The following TARS3 variants were observed in gnomAD, a reference collection of about 807,000 sequenced individuals.
The protein encoded by TARS3 is threonine--tRNA ligase 2, cytoplasmic.
Under a neutral mutation model 103.5 loss-of-function variants are expected in TARS3, and 94 were observed. That is an observed-to-expected ratio of 0.91 (90% CI 0.77 to 1.08). The LOEUF is 1.08. TARS3 is among the 50% of genes least tolerant of loss of function. The pLI, the probability that TARS3 is intolerant of heterozygous loss-of-function variation, is 0.00. For missense variants in TARS3, 952 were observed against 995.2 expected (o/e 0.96, Z 0.58); for synonymous variants, 416 against 355.4 (o/e 1.17, Z -1.92).
intron 18 of TARS3, chr15:101,655,759 A>AAAT (rs1897178566): frequency 8.9e-7 from 1 of 1,125,600 alleles, no homozygotes; most frequent in African/African-American, 1.6e-5. Flanking sequence ...ACTAGGGTGC[A>AAAT]GATGAGAGTG....
At chr15:101,695,257 C>G (rs548973237) in intron 10 of TARS3, among the ~76,000 whole-genome samples, 9 of 152,238 alleles carry the variant, frequency 5.9e-5, no homozygotes, top group Admixed American at 5.9e-4. Flanking sequence ...CTCCTGACCC[C>G]CTGGAGTCAA....
chr15:101,700,016 G>A (rs1899180390), intron 10 of TARS3, among the ~76,000 whole-genome samples: 1 of 152,040 alleles, frequency 6.6e-6, no homozygotes, highest in South Asian at 2.1e-4. Flanking sequence ...AGTTAATTCT[G>A]GAGTAGGACC....
intron 10 of TARS3, chr15:101,699,405 C>T (rs147392407): frequency 4.2e-4 from 192 of 455,988 alleles, no homozygotes; most frequent in African/African-American, 3.5e-3. Flanking sequence ...TCAGGCCCTG[C>T]TCCTGTTCAT....
At chr15:101,686,087 T>C (rs1898464285) in intron 10 of TARS3, 25 bp from the exon 11 acceptor site, 1 of 1,580,614 alleles carries the variant, frequency 6.3e-7, no homozygotes, top group South Asian at 1.2e-5. Context: ...CATTCAACAT[T>C]AAAATCTGCT....
At chr15:101,695,491 T>C (rs1898928767) in intron 10 of TARS3, among the ~76,000 whole-genome samples, 1 of 152,272 alleles carries the variant, frequency 6.6e-6, no homozygotes, top group African/African-American at 2.4e-5. Flanking sequence ...GTTTATCTTT[T>C]CACAAGCTGA....
chr15:101,696,210 CAAAAAAAAAAAAAAAAA>C (rs57512244), intron 10 of TARS3, among the ~76,000 whole-genome samples: 1 of 81,766 alleles, frequency 1.2e-5, no homozygotes, highest in Non-Finnish European at 2.5e-5. Flanking sequence ...GACTTTGTCT[CAAAAAAAAAAAAAAAAA>C]AAAAAAAAAA....
chr15:101,679,421 A>G (rs1257179966), intron 12 of TARS3, among the ~76,000 whole-genome samples: 4 of 152,126 alleles, frequency 2.6e-5, no homozygotes, highest in African/African-American at 9.7e-5. Flanking sequence ...ACTGAATATT[A>G]TATTTCTCAG....
At chr15:101,715,795 G>T (rs2141452978) in intron 3 of TARS3, among the ~76,000 whole-genome samples, 1 of 152,212 alleles carries the variant, frequency 6.6e-6, no homozygotes, top group South Asian at 2.1e-4. Context: ...TGCGACTTCT[G>T]TGACTGTTTT....
At chr15:101,671,032 A>T (rs1228180147) in intron 15 of TARS3, among the ~76,000 whole-genome samples, 1 of 152,004 alleles carries the variant, frequency 6.6e-6, no homozygotes, top group Non-Finnish European at 1.5e-5. Flanking sequence ...GAACAACAGA[A>T]TCATAACCAT....
chr15:101,660,922 C>T (rs1179125142), intron 16 of TARS3, among the ~76,000 whole-genome samples: 1 of 152,248 alleles, frequency 6.6e-6, no homozygotes, highest in East Asian at 1.9e-4. Flanking sequence ...GCAATACCAC[C>T]TCTGTTGGCC....
At chr15:101,666,986 T>C (rs752585872) in intron 15 of TARS3, among the ~76,000 whole-genome samples, 4 of 152,194 alleles carry the variant, frequency 2.6e-5, no homozygotes, top group Non-Finnish European at 5.9e-5. Context: ...AAAGTCAAAA[T>C]TGTGCCTTGA....
Position 101,657,866 on chromosome 15 carries a change from T to A in TARS3, c.2073-9A>T. The A allele has an allele frequency of 1.3e-6, 2 of 1,546,812 alleles. No individual in the cohort carries two copies. The highest frequency in any genetic ancestry group is 1.8e-6 in the Non-Finnish European group (2 of 1,134,572). On this transcript the variant is annotated splice_polypyrimidine_tract_variant and intron_variant, in intron 16 of 18. Transcript: ENST00000335968. Reference sequence around the variant, plus strand: ...GAGATAGCCAGAAAGGCCTGAAAAATATATATAAAATATGTATTTTCAAAG... The same window carrying A: ...GAGATAGCCAGAAAGGCCTGAAAAAAATATATAAAATATGTATTTTCAAAG...
chr15:101,669,916 C>G (rs1346596821), intron 15 of TARS3, among the ~76,000 whole-genome samples: 1 of 152,202 alleles, frequency 6.6e-6, no homozygotes. Flanking sequence ...GATCCAAAGG[C>G]AAGTCGATGG....
Position 101,724,416 on chromosome 15 carries a change from G to C in TARS3, c.-29C>G, listed in dbSNP as rs759017796. The C allele has an allele frequency of 1.4e-6, 2 of 1,379,842 alleles. No individual in the cohort carries two copies. 85.5% of individuals were successfully genotyped at this position (1,379,842 alleles called of 1,614,324 possible). On this transcript the variant is annotated 5_prime_UTR_variant, in exon 1 of 19. Coordinates refer to ENST00000335968, the MANE Select transcript of TARS3 (RefSeq NM_152334.3). ...GGCCTCCCTCAGGCACCGACGCCGA[G>C]CGGGGTGCCCGCGACTGCGGCGAGG...
intron 12 of TARS3, among the ~76,000 whole-genome samples, chr15:101,678,336 T>TTA (rs1898116310): frequency 6.6e-6 from 1 of 152,220 alleles, no homozygotes; most frequent in South Asian, 2.1e-4. Flanking sequence ...TTTAGACCAT[T>TTA]TACACTTAAT....
At chr15:101,719,589 T>C (rs1267916736) in intron 3 of TARS3, among the ~76,000 whole-genome samples, 1 of 152,200 alleles carries the variant, frequency 6.6e-6, no homozygotes, top group Non-Finnish European at 1.5e-5. Context: ...CAGCTAGGCA[T>C]AGCCATGTGA....
chr15:101,723,694 A>T (rs540142771), intron 1 of TARS3, among the ~76,000 whole-genome samples: 1 of 152,270 alleles, frequency 6.6e-6, no homozygotes, highest in Non-Finnish European at 1.5e-5. Flanking sequence ...GTCCAAAAAA[A>T]ACCCAACAAC....
chr15:101,690,636 T>C (rs1454459846), intron 10 of TARS3, among the ~76,000 whole-genome samples: 3 of 152,254 alleles, frequency 2.0e-5, no homozygotes, highest in African/African-American at 7.2e-5. Context: ...TATGCATAGA[T>C]GTATTTTTGT....
chr15:101,719,168 C>G (rs1010664346), intron 3 of TARS3, among the ~76,000 whole-genome samples: 8 of 152,230 alleles, frequency 5.3e-5, no homozygotes, highest in African/African-American at 1.9e-4. Context: ...TGGCTTCAAG[C>G]AGAATCTGAT....
Sources: allele counts gnomAD v4.1 joint callset (sites outside exome capture counted in the v4.1 genomes callset), GRCh38; gene constraint gnomAD v4.1.1; transcripts MANE v1.5; gene names NCBI Gene and HGNC (gene_info 2026-07-23, HGNC 2026-07-21).